The following FHIT variants were observed in gnomAD, a reference collection of about 807,000 sequenced individuals.
FHIT encodes bis(5'-adenosyl)-triphosphatase.
Under a neutral mutation model 17.9 loss-of-function variants are expected in FHIT, and 19 were observed. The ratio of observed to expected loss-of-function variants is 1.06; its 90% CI spans 0.74 to 1.56. The LOEUF (loss-of-function observed/expected upper bound fraction) is 1.56. Ranked by LOEUF, FHIT falls within the 40% of genes most tolerant of loss-of-function variation. The probability of loss-of-function intolerance (pLI) is 0.00; values close to 1 mark genes in which losing one functional copy is unlikely to be tolerated. For missense variants in FHIT, 248 were observed against 189.2 expected (o/e 1.31, Z -1.82); for synonymous variants, 81 against 69.7 (o/e 1.16, Z -0.81).
intron 5 of FHIT, among the ~76,000 whole-genome samples, chr3:60,078,798 C>T (rs1017255330): frequency 4.0e-5 from 6 of 151,896 alleles, no homozygotes; most frequent in Non-Finnish European, 7.4e-5. Flanking sequence ...TACACACACT[C>T]ATATATAGGT....
chr3:60,968,224 G>T (rs1051362603), intron 3 of FHIT, among the ~76,000 whole-genome samples: 2 of 152,234 alleles, frequency 1.3e-5, no homozygotes, highest in South Asian at 2.1e-4. Flanking sequence ...TAGTAATGAG[G>T]TTATCCACAC....
At chr3:60,835,067 G>T (rs1373440472) in intron 3 of FHIT, among the ~76,000 whole-genome samples, 1 of 152,022 alleles carries the variant, frequency 6.6e-6, no homozygotes, top group African/African-American at 2.4e-5. Context: ...CTAAAAGAAG[G>T]GTTCTTTATT....
intron 3 of FHIT, among the ~76,000 whole-genome samples, chr3:60,992,348 T>C (rs966270082): frequency 6.6e-6 from 1 of 152,206 alleles, no homozygotes; most frequent in East Asian, 1.9e-4. Flanking sequence ...TCAAACCATA[T>C]ACTTAAATTA....
chr3:61,145,306 A>G (rs563755000), intron 2 of FHIT, among the ~76,000 whole-genome samples: 1 of 152,222 alleles, frequency 6.6e-6, no homozygotes, highest in South Asian at 2.1e-4. Flanking sequence ...TATTTCTCCT[A>G]TTGAATTGTC....
In FHIT at chr3:59,863,554, T is replaced by A. The variant is rs148071152; in HGVS notation, c.348+58792A>T. Among the ~76,000 whole-genome samples the A allele has an allele frequency of 2.0e-5, 3 of 152,334 alleles. No individual in the cohort carries two copies. The East Asian group carries it at 5.8e-4, about 29-fold the overall frequency. On this transcript the variant is annotated intron_variant, in intron 8 of 9. Transcript: ENST00000492590. ...CTTCCCTGAGTGACCATAAACCCAA[T>A]GAAGCCAGAGACCATGCATGATTAT...
intron 2 of FHIT, among the ~76,000 whole-genome samples, chr3:61,101,974 T>G (rs917175775): frequency 5.3e-5 from 8 of 152,204 alleles, no homozygotes; most frequent in Non-Finnish European, 1.2e-4. Context: ...TGGGGTTTTC[T>G]AAACATACAA....
intron 5 of FHIT, among the ~76,000 whole-genome samples, chr3:60,020,026 T>C (rs1575902395): frequency 6.6e-6 from 1 of 152,286 alleles, no homozygotes; most frequent in East Asian, 1.9e-4. Context: ...CCAGTGAGAA[T>C]GGGCACGCGA....
At chr3:59,992,545 G>C (rs1291648149) in intron 7 of FHIT, among the ~76,000 whole-genome samples, 1 of 152,032 alleles carries the variant, frequency 6.6e-6, no homozygotes, top group Non-Finnish European at 1.5e-5. Flanking sequence ...TACTCCCAGA[G>C]ACTGGATCAA....
intron 5 of FHIT, among the ~76,000 whole-genome samples, chr3:60,042,099 T>A (rs938689824): frequency 4.6e-5 from 7 of 152,200 alleles, no homozygotes; most frequent in African/African-American, 1.7e-4. Context: ...ACCAAAGGTG[T>A]ACAAAAACGC....
intron 1 of FHIT, among the ~76,000 whole-genome samples, chr3:61,245,527 C>T (rs888472504): frequency 2.6e-5 from 4 of 152,148 alleles, no homozygotes; most frequent in African/African-American, 9.7e-5. Context: ...ACTCTCTGAT[C>T]CTTTCCAGGT....
At chr3:61,101,561 T>C (rs2035829804) in intron 2 of FHIT, among the ~76,000 whole-genome samples, 1 of 152,112 alleles carries the variant, frequency 6.6e-6, no homozygotes, top group Non-Finnish European at 1.5e-5. Flanking sequence ...TGGTTCCATA[T>C]GAACTTTAGT....
intron 6 of FHIT, among the ~76,000 whole-genome samples, chr3:60,013,140 TCAGAGCCTTCATAACCTGAAAACA>T (rs1700205715): frequency 6.6e-6 from 1 of 152,220 alleles, no homozygotes; most frequent in African/African-American, 2.4e-5. Context: ...GCACTTTTAG[TCAGAGCCTTCATAACCTGAAAACA>T]CTGGCTTTCT....
chr3:60,377,962 A>T (rs1322804551), intron 5 of FHIT, among the ~76,000 whole-genome samples: 1 of 152,168 alleles, frequency 6.6e-6, no homozygotes, highest in Non-Finnish European at 1.5e-5. Flanking sequence ...AATATGTTAG[A>T]CGAAAGCTCA....
intron 4 of FHIT, among the ~76,000 whole-genome samples, chr3:60,808,769 G>A (rs1701479221): frequency 6.6e-6 from 1 of 152,146 alleles, no homozygotes; most frequent in South Asian, 2.1e-4. Flanking sequence ...TCTAGTTGAG[G>A]ATTTGGCTAC....
chr3:60,655,855 C>T (rs535685478), intron 4 of FHIT, among the ~76,000 whole-genome samples: 1 of 152,260 alleles, frequency 6.6e-6, no homozygotes, highest in South Asian at 2.1e-4. Flanking sequence ...GTACATTTCC[C>T]AGAATGTATT....
intron 4 of FHIT, among the ~76,000 whole-genome samples, chr3:60,546,348 A>T (rs2036363351): frequency 6.6e-6 from 1 of 152,174 alleles, no homozygotes; most frequent in African/African-American, 2.4e-5. Flanking sequence ...TCGTGTTCTT[A>T]TCCTATCCAT....
At chr3:61,202,036 A>C (rs2039032252) in intron 1 of FHIT, among the ~76,000 whole-genome samples, 1 of 151,634 alleles carries the variant, frequency 6.6e-6, no homozygotes. Flanking sequence ...ATGTGTATAT[A>C]TATACCTACA....
rs11923434 is a variant in FHIT at position 60,714,334 on chromosome 3, A to T, written c.-18+107585T>A. The stretch of plus-strand genomic sequence containing the variant: ...AAACCCACAGCAAATATCATACTGA[A>T]TGGGCAAAAACCGGAAGCATTCCCT... On this transcript the variant is annotated intron_variant, in intron 4 of 9. Coordinates refer to ENST00000492590, the MANE Select transcript of FHIT (RefSeq NM_002012.4). 6.3e-3 allele frequency among the ~76,000 whole-genome samples: 965 copies of T among 152,246 alleles called. 10 individuals carry two copies. Among genetic ancestry groups the T allele is most frequent in the African/African-American group, 0.021 (859 of 41,558 alleles).
At chr3:59,755,670 C>G (rs1201908889) in intron 8 of FHIT, among the ~76,000 whole-genome samples, 1 of 152,186 alleles carries the variant, frequency 6.6e-6, no homozygotes. Context: ...AACACTGAAC[C>G]AGACAGACTC....
Sources: allele counts gnomAD v4.1 joint callset (sites outside exome capture counted in the v4.1 genomes callset), GRCh38; gene constraint gnomAD v4.1.1; transcripts MANE v1.5; gene names NCBI Gene and HGNC (gene_info 2026-07-23, HGNC 2026-07-21).